Variants in NDST3 observed in about 807,000 individuals in gnomAD.
The protein encoded by NDST3 is bifunctional heparan sulfate N-deacetylase/N-sulfotransferase 3.
In NDST3, 58 loss-of-function variants were observed where a neutral mutation model predicts 96.1. The observed-to-expected ratio is 0.60, with a 90% CI of 0.49 to 0.75. The LOEUF is 0.75. Ranked by LOEUF, NDST3 falls within the 30% of genes least tolerant of loss-of-function variation. The pLI is 0.00. For missense variants in NDST3, 788 were observed against 1,034.2 expected (o/e 0.76, Z 3.27); for synonymous variants, 333 against 359.7 (o/e 0.93, Z 0.84).
chr4:118,075,192 G>A (rs1001648238), intron 2 of NDST3, among the ~76,000 whole-genome samples: 1 of 152,028 alleles, frequency 6.6e-6, no homozygotes, highest in Non-Finnish European at 1.5e-5. Context: ...CAGAATGATG[G>A]TTTCCAGCTT....
intron 2 of NDST3, among the ~76,000 whole-genome samples, chr4:118,060,356 C>A (rs2110465041): frequency 6.6e-6 from 1 of 152,082 alleles, no homozygotes; most frequent in East Asian, 1.9e-4. Flanking sequence ...TTGCTTAATG[C>A]TAATACAGCT....
chr4:118,245,796 T>C (rs1015278903), intron 12 of NDST3, among the ~76,000 whole-genome samples: 1 of 152,126 alleles, frequency 6.6e-6, no homozygotes, highest in East Asian at 1.9e-4. Context: ...TATCTCTCTC[T>C]CTTCATAAAA....
rs1340724606 is a variant in NDST3, at chr4:118,153,651, C to T, written c.1539+9967C>T. ...CCAGCCTGGCCAACACTGTGAAACC[C>T]AGTCTATACTAAAAATACAAAAATT... On this transcript the variant is annotated intron_variant, in intron 6 of 13. Transcript: ENST00000296499. Among the ~76,000 whole-genome samples, 4 of 152,096 alleles carry T rather than the reference C, an allele frequency of 2.6e-5. No individual in the cohort carries two copies. In the East Asian group the frequency reaches 7.8e-4, roughly 30 times the overall value.
At chr4:118,086,858 C>T (rs1260993795) in intron 2 of NDST3, among the ~76,000 whole-genome samples, 2 of 151,952 alleles carry the variant, frequency 1.3e-5, no homozygotes, top group East Asian at 1.9e-4. Flanking sequence ...AGAATGTGGA[C>T]TAAGAAATAA....
At position 118,054,354 on chromosome 4, in the gene NDST3, C is replaced by T; in HGVS notation, c.444C>T (p.Ser148=). Residue 148 remains serine, a synonymous_variant, in exon 2 of 14, where the codon AGC becomes AGT. Coordinates refer to ENST00000296499, the MANE Select transcript of NDST3 (RefSeq NM_004784.3). ...KYINMDSWNR[S]LLDKYCVEYG... is the part of the protein sequence containing the mutation. Reference sequence around the variant, plus strand: ...TAAATATGGATTCCTGGAATCGAAGCCTTCTAGATAAATACTGTGTAGAAT... The same window carrying T: ...TAAATATGGATTCCTGGAATCGAAGTCTTCTAGATAAATACTGTGTAGAAT... 1.9e-6 allele frequency: 3 copies of T among 1,612,426 alleles called. No individual in the cohort carries two copies. Among genetic ancestry groups the T allele is most frequent in the Non-Finnish European group, 2.5e-6 (3 of 1,179,070 alleles).
chr4:118,063,944 C>T (rs1025189971), intron 2 of NDST3, among the ~76,000 whole-genome samples: 2 of 152,134 alleles, frequency 1.3e-5, no homozygotes, highest in African/African-American at 4.8e-5. Context: ...CCAAGCTCCA[C>T]CTTATGGTAA....
chr4:118,213,336 T>C (rs1415007710), intron 6 of NDST3, among the ~76,000 whole-genome samples: 1 of 152,138 alleles, frequency 6.6e-6, no homozygotes, highest in African/African-American at 2.4e-5. Context: ...CCAAGACAGG[T>C]GGCACAATAA....
intron 12 of NDST3, among the ~76,000 whole-genome samples, chr4:118,244,566 TA>T (rs1741194704): frequency 6.6e-6 from 1 of 152,194 alleles, no homozygotes; most frequent in Admixed American, 6.5e-5. Flanking sequence ...ACTAACTACA[TA>T]AATCTAGTGC....
chr4:118,161,127 G>C (rs1735087950), intron 6 of NDST3, among the ~76,000 whole-genome samples: 1 of 152,254 alleles, frequency 6.6e-6, no homozygotes, highest in African/African-American at 2.4e-5. Context: ...GAGTTTGCTA[G>C]AGGTCCACTC....
intron 12 of NDST3, among the ~76,000 whole-genome samples, chr4:118,250,127 T>G (rs1469381658): frequency 6.6e-6 from 1 of 152,196 alleles, no homozygotes; most frequent in African/African-American, 2.4e-5. Flanking sequence ...CATGAGTAAT[T>G]TGTATTTTTT....
intron 10 of NDST3, among the ~76,000 whole-genome samples, chr4:118,238,211 GAAAGAAAGAAA>G (rs1560738876): frequency 8.1e-6 from 1 of 123,148 alleles, no homozygotes; most frequent in African/African-American, 3.3e-5. Context: ...AAGAAAGAAA[GAAAGAAAGAAA>G]GAAAAAGAAA....
At chr4:118,055,855 C>T (rs1362130438) in intron 2 of NDST3, among the ~76,000 whole-genome samples, 1 of 151,756 alleles carries the variant, frequency 6.6e-6, no homozygotes, top group East Asian at 1.9e-4. Flanking sequence ...CACTAAGCAT[C>T]TGGCAAATAA....
chr4:118,146,595 T>C (rs1733965645), intron 6 of NDST3, among the ~76,000 whole-genome samples: 1 of 152,222 alleles, frequency 6.6e-6, no homozygotes, highest in African/African-American at 2.4e-5. Context: ...CCTGAAATGT[T>C]CTAATGTTAC....
intron 6 of NDST3, among the ~76,000 whole-genome samples, chr4:118,202,306 G>T (rs1263585162): frequency 6.6e-6 from 1 of 152,092 alleles, no homozygotes; most frequent in Non-Finnish European, 1.5e-5. Context: ...TTGGCTATTG[G>T]GGCTCTTTTT....
At chr4:118,185,546 T>G (rs568938348) in intron 6 of NDST3, among the ~76,000 whole-genome samples, 1 of 151,906 alleles carries the variant, frequency 6.6e-6, no homozygotes, top group Non-Finnish European at 1.5e-5. Context: ...AAATTAAATT[T>G]AACAGTTTAA....
At chr4:118,251,176 G>A (rs1213529736) in intron 12 of NDST3, among the ~76,000 whole-genome samples, 1 of 140,870 alleles carries the variant, frequency 7.1e-6, no homozygotes, top group Non-Finnish European at 1.5e-5. Context: ...ACCCAGGCTG[G>A]AGTGCAGTGG....
intron 4 of NDST3, among the ~76,000 whole-genome samples, chr4:118,136,287 C>T (rs1332000888): frequency 2.0e-5 from 3 of 152,124 alleles, no homozygotes; most frequent in Non-Finnish European, 2.9e-5. Flanking sequence ...TTAACAACCA[C>T]CAGAAATAAT....
intron 6 of NDST3, among the ~76,000 whole-genome samples, chr4:118,205,831 T>TC (rs1738401517): frequency 9.7e-6 from 1 of 103,332 alleles, no homozygotes; most frequent in African/African-American, 2.9e-5. Context: ...TATCGGGCTT[T>TC]CTTTTTTTTT....
intron 6 of NDST3, among the ~76,000 whole-genome samples, chr4:118,189,057 T>C (rs1232414793): frequency 6.6e-6 from 1 of 152,110 alleles, no homozygotes; most frequent in African/African-American, 2.4e-5. Flanking sequence ...CATTAAAATA[T>C]AACTTTTTTT....
Sources: allele counts gnomAD v4.1 joint callset (sites outside exome capture counted in the v4.1 genomes callset), GRCh38; gene constraint gnomAD v4.1.1; transcripts MANE v1.5; gene names NCBI Gene and HGNC (gene_info 2026-07-23, HGNC 2026-07-21).